The following C2CD3 variants were observed in gnomAD, a reference collection of about 807,000 sequenced individuals.
The protein encoded by C2CD3 is C2 domain-containing protein 3.
C2CD3 carries 148 observed loss-of-function variants against 234.0 expected under a neutral mutation model. The ratio of observed to expected loss-of-function variants is 0.63; its 90% CI spans 0.55 to 0.72. The LOEUF (loss-of-function observed/expected upper bound fraction) is 0.72, where lower values mean the gene tolerates loss of function less well. Among genes scored for constraint, C2CD3 ranks in the 30% least tolerant of loss-of-function variants. The probability of loss-of-function intolerance (pLI) is 0.00; values close to 1 mark genes in which losing one functional copy is unlikely to be tolerated. For synonymous variants in C2CD3, 1,000 were observed against 1,035.4 expected, an observed-to-expected ratio of 0.97 and a Z score of 0.66; for missense variants, 2,577 against 2,811.5, an observed-to-expected ratio of 0.92 and a Z score of 1.89.
intron 3 of C2CD3, among the ~76,000 whole-genome samples, chr11:74,153,914 C>T (rs1165533587): frequency 6.6e-6 from 1 of 151,492 alleles, no homozygotes; most frequent in East Asian, 1.9e-4. Context: ...GAAATAGACT[C>T]ACATATATAT....
At chr11:74,072,074 T>C (rs914013741) in intron 24 of C2CD3, among the ~76,000 whole-genome samples, 1 of 152,212 alleles carries the variant, frequency 6.6e-6, no homozygotes, top group African/African-American at 2.4e-5. Flanking sequence ...CTTAAACTCA[T>C]TCATCTATTG....
chr11:74,154,899 T>C (rs935865738), intron 3 of C2CD3, among the ~76,000 whole-genome samples: 5 of 152,218 alleles, frequency 3.3e-5, no homozygotes, highest in African/African-American at 1.2e-4. Context: ...TATCAGTACA[T>C]ACTCATTAGA....
chr11:74,075,369 G>C (rs117116373), intron 23 of C2CD3, among the ~76,000 whole-genome samples: 45 of 151,638 alleles, frequency 3.0e-4, no homozygotes, highest in African/African-American at 7.3e-4. Context: ...GATATTTTGG[G>C]GGGGGGTGGG....
In C2CD3 at chr11:74,097,872, T is replaced by C. The variant is rs183097906; in HGVS notation, c.2979+137A>G. 27 of 753,446 alleles carry C rather than the reference T, an allele frequency of 3.6e-5. No homozygotes were observed. The South Asian group carries it at 4.1e-4, about 11-fold the overall frequency. The allele number at this position is 753,446 out of a possible 1,614,324, so 46.7% of individuals were successfully genotyped here. ...AATTACCAATGATTCCTTTGATTTA[T>C]AGGAAGCACTGGAGTGCACATTATG... On this transcript the variant is annotated intron_variant, in intron 16 of 32. Transcript: ENST00000334126.
intron 7 of C2CD3, among the ~76,000 whole-genome samples, chr11:74,127,643 T>A (rs975755115): frequency 6.6e-6 from 1 of 152,342 alleles, no homozygotes. Flanking sequence ...TATTGTTTTC[T>A]GTCATATGGT....
intron 24 of C2CD3, among the ~76,000 whole-genome samples, chr11:74,067,808 T>A (rs1479414575): frequency 1.3e-5 from 2 of 152,176 alleles, no homozygotes; most frequent in African/African-American, 2.4e-5. Flanking sequence ...AAAAGCTACA[T>A]TTCTCGGACT....
chr11:74,090,910 T>C lies in C2CD3; in HGVS notation c.3544A>G (p.Arg1182Gly). 6.2e-7 allele frequency: 1 copy of C among 1,614,104 alleles called. No individual in the cohort carries two copies. The change falls in exon 20 of 33, where the codon AGG becomes GGG. Residue 1182 changes from arginine to glycine, a missense_variant. Arg to Gly is a moderately radical substitution (Grantham distance 125). Coordinates refer to ENST00000334126, the MANE Select transcript of C2CD3 (RefSeq NM_001286577.2). ...SGLLDVGLRY[R>G]RSPRTAEGVL... ...CCCTCTGCTGTTCTTGGACTACGCCTGTACCTTAGGCCCACATCCAGTAAA... is the reference window on the plus strand; with the variant it reads ...CCCTCTGCTGTTCTTGGACTACGCCCGTACCTTAGGCCCACATCCAGTAAA...
chr11:74,090,952 A>G lies in C2CD3; in HGVS notation c.3518-16T>C. On this transcript the variant is annotated splice_polypyrimidine_tract_variant and intron_variant, in intron 19 of 32. Transcript: ENST00000334126. ...TCCAGTAAACCTGAAGAATGAGGACACAAGGAAAGAAGGTTGGTCAGAAGA... is the reference window on the plus strand; with the variant it reads ...TCCAGTAAACCTGAAGAATGAGGACGCAAGGAAAGAAGGTTGGTCAGAAGA... 1 of 1,612,938 alleles carries G rather than the reference A, an allele frequency of 6.2e-7. No homozygotes were observed. Among genetic ancestry groups the G allele is most frequent in the Non-Finnish European group, 8.5e-7 (1 of 1,179,556 alleles).
At chr11:74,143,085 A>C (rs1854915250) in intron 3 of C2CD3, among the ~76,000 whole-genome samples, 1 of 152,070 alleles carries the variant, frequency 6.6e-6, no homozygotes, top group Non-Finnish European at 1.5e-5. Context: ...TATCACTTAA[A>C]TATATCACCC....
intron 22 of C2CD3, among the ~76,000 whole-genome samples, chr11:74,081,597 C>T (rs2135469812): frequency 7.3e-6 from 1 of 136,444 alleles, no homozygotes; most frequent in African/African-American, 2.9e-5. Flanking sequence ...TGGATATTGC[C>T]ATATTCTTCA....
rs1957093984 is a variant in C2CD3, at chr11:74,118,252, T to C, written c.1496A>G (p.Lys499Arg). 2 of 1,613,676 alleles carry C rather than the reference T, an allele frequency of 1.2e-6. No individual in the cohort carries two copies. The highest frequency in any genetic ancestry group is 1.1e-5 in the South Asian group (1 of 91,044). Reference protein sequence around the residue: ...VLESSDHKLKKRSAGKRNRNL... With the variant: ...VLESSDHKLKRRSAGKRNRNL... The stretch of plus-strand genomic sequence containing the variant: ...CCTATTTCTCTTGCCTGCTGACCTC[T>C]TCTTCAGCTTATGATCACTTGACTC... Residue 499 changes from lysine (K) to arginine (R), a missense_variant, in exon 9 of 33, where the codon AAG (lysine) becomes AGG (arginine). Physicochemically the swap from Lys to Arg is conservative, Grantham distance 26. Transcript: ENST00000334126.
intron 11 of C2CD3, chr11:74,110,422 A>G (rs1956701834): frequency 6.6e-6 from 1 of 152,210 alleles, no homozygotes; most frequent in Non-Finnish European, 1.5e-5. Context: ...GTTGGACAGG[A>G]TCTGGACCTT....
At chr11:74,023,355 T>G (rs139912374) in intron 32 of C2CD3, among the ~76,000 whole-genome samples, 1 of 152,196 alleles carries the variant, frequency 6.6e-6, no homozygotes, top group Non-Finnish European at 1.5e-5. Context: ...CCTCTTCAGT[T>G]GTGAGGGCCA....
chr11:74,114,029 C>T, intron 10 of C2CD3, 137 bp from the exon 11 acceptor site: 1 of 603,214 alleles, frequency 1.7e-6, no homozygotes, highest in Non-Finnish European at 2.9e-6. Flanking sequence ...TCAAAGCCTT[C>T]CACCAACCCT....
intron 24 of C2CD3, among the ~76,000 whole-genome samples, chr11:74,072,019 CAA>C (rs563756783): frequency 6.7e-6 from 1 of 150,094 alleles, no homozygotes; most frequent in Non-Finnish European, 1.5e-5. Context: ...AATGCAACTA[CAA>C]AAAAAAACTT....
intron 11 of C2CD3, chr11:74,110,484 A>G (rs1956704001): frequency 6.6e-6 from 1 of 152,246 alleles, no homozygotes; most frequent in Non-Finnish European, 1.5e-5. Context: ...GGGGCCAGGA[A>G]GCCCACATCC....
chr11:74,132,485 C>G (rs1384693521), intron 7 of C2CD3, among the ~76,000 whole-genome samples: 1 of 152,224 alleles, frequency 6.6e-6, no homozygotes, highest in African/African-American at 2.4e-5. Context: ...ACCAATGCCT[C>G]TGAAGTTCAG....
intron 7 of C2CD3, among the ~76,000 whole-genome samples, chr11:74,131,023 T>A (rs905443894): frequency 2.6e-5 from 4 of 151,688 alleles, no homozygotes; most frequent in African/African-American, 9.7e-5. Context: ...GACTGGAGTG[T>A]AGTAATCATG....
chr11:74,118,518 A>G, intron 8 of C2CD3, 136 bp from the exon 9 acceptor site: 1 of 571,824 alleles, frequency 1.7e-6, no homozygotes, highest in East Asian at 2.9e-5. Context: ...CACCAGGGAG[A>G]TAATCCCATA....
Sources: allele counts gnomAD v4.1 joint callset (sites outside exome capture counted in the v4.1 genomes callset), GRCh38; gene constraint gnomAD v4.1.1; transcripts MANE v1.5; gene names NCBI Gene and HGNC (gene_info 2026-07-23, HGNC 2026-07-21).